Variants in IGSF5 observed in about 807,000 individuals in gnomAD.
The protein encoded by IGSF5 is immunoglobulin superfamily 5 like.
IGSF5 carries 41 observed loss-of-function variants against 39.4 expected under a neutral mutation model. That is an observed-to-expected ratio of 1.04 (90% CI 0.81 to 1.35). The LOEUF (loss-of-function observed/expected upper bound fraction) is 1.35, where lower values mean the gene tolerates loss of function less well. Among genes scored for constraint, IGSF5 ranks in the 40% most tolerant of loss-of-function variants. The probability of loss-of-function intolerance (pLI) is 0.00; values close to 1 mark genes in which losing one functional copy is unlikely to be tolerated. For missense variants in IGSF5, 487 were observed against 494.6 expected (o/e 0.98, Z 0.15); for synonymous variants, 183 against 175.3 (o/e 1.04, Z -0.34).
chr21:39,784,534 T>C (rs1440655396), intron 5 of IGSF5, among the ~76,000 whole-genome samples: 1 of 152,320 alleles, frequency 6.6e-6, no homozygotes. Context: ...ATTAAAAGTT[T>C]CTGTGATCCA....
the IGSF5 span, among the ~76,000 whole-genome samples, chr21:39,731,414 C>A: frequency 6.6e-6 from 1 of 152,174 alleles, no homozygotes; most frequent in East Asian, 1.9e-4. Context: ...CTTCCATATT[C>A]CCTTCTCTTT....
intron 3 of IGSF5, among the ~76,000 whole-genome samples, chr21:39,769,988 G>C (rs1276346409): frequency 2.6e-5 from 4 of 152,250 alleles, no homozygotes; most frequent in South Asian, 2.1e-4. Flanking sequence ...ACAACAAAGA[G>C]AGCCAAAAAA....
At chr21:39,747,955 C>A (rs1470958596) in intron 2 of IGSF5, among the ~76,000 whole-genome samples, 19 of 148,516 alleles carry the variant, frequency 1.3e-4, no homozygotes, top group African/African-American at 3.0e-4. Context: ...AAAAAAACAA[C>A]CGATTCCTGT....
chr21:39,794,845 TA>T (rs1283438046), intron 8 of IGSF5, among the ~76,000 whole-genome samples: 1 of 152,138 alleles, frequency 6.6e-6, no homozygotes, highest in Non-Finnish European at 1.5e-5. Flanking sequence ...TTGGCACAGG[TA>T]TTTACCTGAG....
In IGSF5 at chr21:39,793,600, G is replaced by C; in HGVS notation, c.1115G>C (p.Gly372Ala). 6.2e-7 allele frequency: 1 copy of C among 1,613,774 alleles called. No individual in the cohort carries two copies. Among genetic ancestry groups the C allele is most frequent in the South Asian group, 1.1e-5 (1 of 91,032 alleles). Residue 372 changes from glycine (G) to alanine (A), a missense_variant, in exon 8 of 9, where the codon GGC becomes GCC. Transcript: ENST00000380588. ...CCTGAACAAAGAAACAGTAGCTGTG[G>C]CCCTCCTCACCAGGTAGTTTAGACC... ...SDPEQRNSSCGPPHQRADQRP... is the reference protein window; with the variant it reads ...SDPEQRNSSCAPPHQRADQRP...
chr21:39,792,900 G>T (rs554176820), intron 7 of IGSF5, among the ~76,000 whole-genome samples: 14 of 152,298 alleles, frequency 9.2e-5, no homozygotes, highest in South Asian at 2.1e-4. Flanking sequence ...CTCACAGGCT[G>T]CTGGGAACAC....
intron 4 of IGSF5, among the ~76,000 whole-genome samples, chr21:39,777,268 C>T (rs1286572494): frequency 3.3e-5 from 5 of 152,112 alleles, no homozygotes; most frequent in African/African-American, 9.7e-5. Context: ...CCTGTCATGT[C>T]GTGGGTAGCT....
In IGSF5 at chr21:39,745,537, A is replaced by C. The variant is rs1223930291; in HGVS notation, c.17+11A>C. On this transcript the variant is annotated intron_variant, in intron 1 of 8. Coordinates refer to ENST00000380588, the MANE Select transcript of IGSF5 (RefSeq NM_001080444.2). Reference sequence around the variant, plus strand: ...GGGTCAGAAGGAAAGGTAAGGGCGCATGCGTGGGCGACTGTTGAGTAGAGA... The same window carrying C: ...GGGTCAGAAGGAAAGGTAAGGGCGCCTGCGTGGGCGACTGTTGAGTAGAGA... 4.2e-6 allele frequency: 3 copies of C among 717,050 alleles called. No individual in the cohort carries two copies. The highest frequency in any genetic ancestry group is 7.8e-6 in the Non-Finnish European group (3 of 384,800). The allele number at this position is 717,050 out of a possible 1,614,324, so 44.4% of individuals were successfully genotyped here.
At chr21:39,787,068 C>A (rs1022888032) in intron 5 of IGSF5, among the ~76,000 whole-genome samples, 2 of 152,080 alleles carry the variant, frequency 1.3e-5, no homozygotes, top group African/African-American at 4.8e-5. Flanking sequence ...TGTAACTAAC[C>A]TGCACATTGT....
chr21:39,788,237 G>T lies in IGSF5; in HGVS notation c.956+49G>T. ...TTCTGAAAACAAAACAAAAAAAATT[G>T]AACAACAACAATAATAACAACAATA... On this transcript the variant is annotated intron_variant, in intron 6 of 8. Coordinates refer to ENST00000380588, the MANE Select transcript of IGSF5 (RefSeq NM_001080444.2). The T allele has an allele frequency of 2.9e-6, 4 of 1,358,344 alleles. No homozygotes were observed. In the South Asian group the frequency reaches 4.9e-5, roughly 17 times the overall value. The allele number at this position is 1,358,344 out of a possible 1,614,324, so 84.1% of individuals were successfully genotyped here. A position where few individuals can be genotyped will look rare whatever the true frequency, so the allele number is the denominator to read the frequency against.
chr21:39,729,910 G>C, the IGSF5 span: 1 of 152,252 alleles, frequency 6.6e-6, no homozygotes, highest in Admixed American at 6.5e-5. Flanking sequence ...CGGCAAAGGT[G>C]AATGGGATCC....
At chr21:39,736,894 C>T in the IGSF5 span, among the ~76,000 whole-genome samples, 7 of 152,116 alleles carry the variant, frequency 4.6e-5, no homozygotes, top group African/African-American at 7.2e-5. Flanking sequence ...CTCCTGGTGC[C>T]GACTGACGCA....
chr21:39,717,033 A>G, the IGSF5 span, among the ~76,000 whole-genome samples: 404 of 152,310 alleles, frequency 2.7e-3, 2 homozygotes, highest in African/African-American at 9.4e-3. Flanking sequence ...CTTTTTAGTA[A>G]TAGCCATTCT....
At chr21:39,713,263 A>C in the IGSF5 span, among the ~76,000 whole-genome samples, 1 of 152,144 alleles carries the variant, frequency 6.6e-6, no homozygotes. Flanking sequence ...GCAACTTACA[A>C]GTGCCTTCTG....
At chr21:39,739,393 A>G in the IGSF5 span, among the ~76,000 whole-genome samples, 53 of 151,776 alleles carry the variant, frequency 3.5e-4, no homozygotes, top group African/African-American at 1.1e-3. Context: ...TGTCCCTCTC[A>G]CTGTTCTCTC....
intron 5 of IGSF5, among the ~76,000 whole-genome samples, chr21:39,783,977 C>T (rs77036971): frequency 0.047 from 7,166 of 152,160 alleles, 215 homozygotes; most frequent in Middle Eastern, 0.11. Context: ...TTCTCAGCAC[C>T]GTGTATTGAA....
intron 8 of IGSF5, among the ~76,000 whole-genome samples, chr21:39,793,993 C>G (rs138472323): frequency 3.3e-5 from 5 of 152,156 alleles, no homozygotes; most frequent in Non-Finnish European, 7.3e-5. Context: ...CCTGGTTACC[C>G]GCTCCCACGT....
In IGSF5 at chr21:39,787,048, T is replaced by TATGCTG. The variant is rs1330073786; in HGVS notation, c.935-1119_935-1118insATGCTG. Among the ~76,000 whole-genome samples the TATGCTG allele has an allele frequency of 2.6e-5, 4 of 152,250 alleles. No homozygotes were observed. The South Asian group carries it at 8.3e-4, about 32-fold the overall frequency. On this transcript the variant is annotated intron_variant, in intron 5 of 8. Coordinates refer to ENST00000380588, the MANE Select transcript of IGSF5 (RefSeq NM_001080444.2). ...GGGTGTAGCGCACCAGCATGTCACA[T>TATGCTG]GTATACATATGTAACTAACCTGCAC...
chr21:39,745,811 A>G (rs971722810), intron 1 of IGSF5, among the ~76,000 whole-genome samples: 4 of 152,050 alleles, frequency 2.6e-5, no homozygotes, highest in Admixed American at 1.3e-4. Flanking sequence ...GGTGTCCGGT[A>G]TTTTCCTCCA....
Sources: allele counts gnomAD v4.1 joint callset (sites outside exome capture counted in the v4.1 genomes callset), GRCh38; gene constraint gnomAD v4.1.1; transcripts MANE v1.5; gene names NCBI Gene and HGNC (gene_info 2026-07-23, HGNC 2026-07-21).